The following C3 variants were observed in gnomAD, a reference collection of about 807,000 sequenced individuals.
C3 encodes C3 and PZP-like alpha-2-macroglobulin domain-containing protein 1.
C3 carries 97 observed loss-of-function variants against 207.9 expected under a neutral mutation model. That is an observed-to-expected ratio of 0.47 (90% CI 0.40 to 0.55). The LOEUF (loss-of-function observed/expected upper bound fraction) is 0.55, where lower values mean the gene tolerates loss of function less well. Among genes scored for constraint, C3 ranks in the 20% least tolerant of loss-of-function variants. The pLI is 0.00. For synonymous variants in C3, 848 were observed against 857.6 expected (o/e 0.99, Z 0.20); for missense variants, 1,684 against 2,171.7 (o/e 0.78, Z 4.46).
At chr19:6,690,496 A>G (rs1002478334) in intron 27 of C3, 133 bp downstream of exon 27, 7 of 746,204 alleles carry the variant, frequency 9.4e-6, no homozygotes, top group Non-Finnish European at 1.7e-5. Context: ...TTAGCTATTA[A>G]CATGACTGCA....
At chr19:6,687,875 G>C (rs951969369) in intron 27 of C3, among the ~76,000 whole-genome samples, 1 of 116,508 alleles carries the variant, frequency 8.6e-6, no homozygotes, top group Non-Finnish European at 1.8e-5. Context: ...TTTTTTTTTT[G>C]AGACGGAGTC....
intron 30 of C3, 34 bp downstream of exon 30, chr19:6,684,950 ACAGC>A: frequency 6.2e-7 from 1 of 1,612,168 alleles, no homozygotes; most frequent in Non-Finnish European, 8.5e-7. Flanking sequence ...GTAGGGGGAG[ACAGC>A]CAGAGTGAGG....
intron 19 of C3, among the ~76,000 whole-genome samples, chr19:6,700,508 T>C (rs1394933355): frequency 2.9e-5 from 1 of 34,764 alleles, no homozygotes; most frequent in Admixed American, 6.0e-4. Flanking sequence ...ATTATATATG[T>C]AATATATAAT....
chr19:6,715,408 C>T (rs1220709747), intron 4 of C3, among the ~76,000 whole-genome samples: 1 of 151,868 alleles, frequency 6.6e-6, no homozygotes, highest in Non-Finnish European at 1.5e-5. Context: ...CCCAGGAGGT[C>T]AATGCTGCAG....
At position 6,677,713 on chromosome 19, in the gene C3, A is replaced by T. The variant is rs2145387682; in HGVS notation, c.*169T>A. The T allele has an allele frequency of 1.2e-6, 1 of 807,428 alleles. No individual in the cohort carries two copies. The highest frequency in any genetic ancestry group is 2.7e-5 in the East Asian group (1 of 37,322). The allele number at this position is 807,428 out of a possible 1,614,324, so 50.0% of individuals were successfully genotyped here. ...TGGCTAAAGAAGTCAGCACACTAGC[A>T]GGCGAACGCCAGGAGAAAATGCGGT... On this transcript the variant is annotated 3_prime_UTR_variant, in exon 41 of 41. Coordinates refer to ENST00000245907, the MANE Select transcript of C3 (RefSeq NM_000064.4).
At chr19:6,685,995 C>T in intron 29 of C3, 129 bp downstream of exon 29, 3 of 930,266 alleles carry the variant, frequency 3.2e-6, no homozygotes, top group Non-Finnish European at 5.3e-6. Flanking sequence ...ATTCTCAACT[C>T]CACTGCAATC....
chr19:6,716,748 A>C (rs897395983), intron 4 of C3: 3 of 152,274 alleles, frequency 2.0e-5, no homozygotes, highest in African/African-American at 7.2e-5. Flanking sequence ...GCGATGGGAG[A>C]AGCAATTATC....
chr19:6,708,051 A>C, intron 14 of C3, 122 bp from the exon 15 acceptor site: 1 of 1,102,852 alleles, frequency 9.1e-7, no homozygotes, highest in Non-Finnish European at 1.3e-6. Flanking sequence ...CATCTCCCCC[A>C]TTCCTGCTTC....
chr19:6,713,950 C>T (rs766508819), intron 7 of C3, 42 bp downstream of exon 7: 1 of 1,355,392 alleles, frequency 7.4e-7, no homozygotes, highest in Non-Finnish European at 1.0e-6. Flanking sequence ...TTCACCTGGT[C>T]CCTCACCTGG....
Position 6,677,863 on chromosome 19 carries a change from T to TG in C3, c.*18dup. On this transcript the variant is annotated 3_prime_UTR_variant, in exon 41 of 41. Transcript: ENST00000245907. ...GATATAACTGAAGCTTTATCTGGAG[T>TG]GGGGGAATGGGGGTGTGGTCAGTTG... 6.2e-7 allele frequency: 1 copy of TG among 1,612,266 alleles called. No homozygotes were observed. The highest frequency in any genetic ancestry group is 8.5e-7 in the Non-Finnish European group (1 of 1,179,680).
At chr19:6,693,574 G>C (rs926187725) in intron 24 of C3, 87 bp from the exon 25 acceptor site, 1 of 1,197,786 alleles carries the variant, frequency 8.3e-7, no homozygotes, top group Admixed American at 2.0e-5. Context: ...GTGCAGAGAG[G>C]GGACAGGGGC....
intron 40 of C3, 36 bp from the exon 41 acceptor site, chr19:6,678,059 G>C: frequency 6.2e-7 from 1 of 1,614,140 alleles, no homozygotes; most frequent in Non-Finnish European, 8.5e-7. Context: ...AAGGGGCGTG[G>C]TGTGGGCGTG....
At position 6,712,932 on chromosome 19, in the gene C3, GGACACA is replaced by G. The variant is rs1291674641; in HGVS notation, c.1003+251_1003+256del. On this transcript the variant is annotated intron_variant, in intron 9 of 40. Transcript: ENST00000245907. ...CTGGCCCTGCCTCCCTCATCAGACTGGACACAGACTTCATACTGGGCCTGTGCCCCC... is the reference window on the plus strand; with the variant it reads ...CTGGCCCTGCCTCCCTCATCAGACTGGACTTCATACTGGGCCTGTGCCCCC... 2.0e-5 allele frequency among the ~76,000 whole-genome samples: 3 copies of G among 150,250 alleles called. No homozygotes were observed. In the East Asian group the frequency reaches 5.9e-4, roughly 29 times the overall value.
chr19:6,690,928 T>C (rs1426405877), intron 26 of C3, among the ~76,000 whole-genome samples: 1 of 152,170 alleles, frequency 6.6e-6, no homozygotes, highest in Non-Finnish European at 1.5e-5. Flanking sequence ...CAATGTACAA[T>C]GTGCAATGTA....
chr19:6,712,475 A>G (rs1383588900), intron 10 of C3, 33 bp downstream of exon 10: 27 of 1,613,566 alleles, frequency 1.7e-5, no homozygotes, highest in Non-Finnish European at 2.2e-5. Flanking sequence ...CCCCGAAGGG[A>G]GGAGTGGGAC....
At position 6,677,760 on chromosome 19, in the gene C3, T is replaced by A; in HGVS notation, c.*122A>T. On this transcript the variant is annotated 3_prime_UTR_variant, in exon 41 of 41. Transcript: ENST00000245907. ...CGGTGGGAACAGGTGAGGTTTCAAG[T>A]AGGATGGAGCTGAGCTGCAGGTGAG... The A allele has an allele frequency of 8.1e-7, 1 of 1,231,262 alleles. No homozygotes were observed. Among genetic ancestry groups the A allele is most frequent in the Non-Finnish European group, 1.2e-6 (1 of 864,598 alleles). 76.3% of individuals were successfully genotyped at this position (1,231,262 alleles called of 1,614,324 possible). A position where few individuals can be genotyped will look rare whatever the true frequency, so the allele number is the denominator to read the frequency against.
Position 6,711,024 on chromosome 19 carries a change from C to T in C3, c.1442G>A (p.Arg481His), listed in dbSNP as rs758391076. Residue 481 changes from arginine (R) to histidine (H), a missense_variant, in exon 12 of 41, where the codon CGC (arginine) becomes CAC (histidine). Arg to His is a conservative substitution (Grantham distance 29). Transcript: ENST00000245907. ...LNVNFLLRMDRAHEAKIRYYT... is the reference protein window; with the variant it reads ...LNVNFLLRMDHAHEAKIRYYT... ...GTAGCGGATCTTGGCCTCGTGGGCGCGGTCCATTCGCAGGAGGAAGTTGAC... is the reference window on the plus strand; with the variant it reads ...GTAGCGGATCTTGGCCTCGTGGGCGTGGTCCATTCGCAGGAGGAAGTTGAC... 6 of 1,613,988 alleles carry T rather than the reference C, an allele frequency of 3.7e-6. No individual in the cohort carries two copies. Among genetic ancestry groups the T allele is most frequent in the South Asian group, 2.2e-5 (2 of 91,082 alleles).
At chr19:6,685,489 A>G (rs1292747048) in intron 29 of C3, among the ~76,000 whole-genome samples, 1 of 152,180 alleles carries the variant, frequency 6.6e-6, no homozygotes, top group East Asian at 1.9e-4. Context: ...CACTGAGAAT[A>G]TGTCTAGAAC....
chr19:6,700,443 G>GTAATATATATGTT, intron 19 of C3, among the ~76,000 whole-genome samples: 2 of 17,628 alleles, frequency 1.1e-4, no homozygotes, highest in Admixed American at 1.1e-3. Flanking sequence ...TATGTAATAT[G>GTAATATATATGTT]ATATATGTAA....
Sources: allele counts gnomAD v4.1 joint callset (sites outside exome capture counted in the v4.1 genomes callset), GRCh38; gene constraint gnomAD v4.1.1; transcripts MANE v1.5; gene names NCBI Gene and HGNC (gene_info 2026-07-23, HGNC 2026-07-21).